Variants in PCDH11X observed in about 807,000 individuals in gnomAD.
The protein encoded by PCDH11X is protocadherin 11 X-linked, also known as protocadherin-11 X-linked.
Under a neutral mutation model 53.3 loss-of-function variants are expected in PCDH11X, and 18 were observed. The ratio of observed to expected loss-of-function variants is 0.34; its 90% confidence interval spans 0.23 to 0.50. The LOEUF is 0.50. PCDH11X is among the 20% of genes least tolerant of loss of function. The pLI, the probability that PCDH11X is intolerant of heterozygous loss-of-function variation, is 0.98. For missense variants in PCDH11X, 570 were observed against 1,032.4 expected, an observed-to-expected ratio of 0.55 and a Z score of 6.14; for synonymous variants, 279 against 393.3, an observed-to-expected ratio of 0.71 and a Z score of 3.44.
At chrX:91,873,302 G>T (rs1045893639) in intron 5 of PCDH11X, among the ~76,000 whole-genome samples, 2 of 109,028 alleles carry the variant, frequency 1.8e-5, no homozygotes, top group South Asian at 4.0e-4. Flanking sequence ...ACATGGAGCT[G>T]TTGAGAACTT....
chrX:92,356,921 T>G (rs1317248769), intron 8 of PCDH11X, among the ~76,000 whole-genome samples: 1 of 111,157 alleles, frequency 9.0e-6, no homozygotes, highest in African/African-American at 3.3e-5. Flanking sequence ...ATAATGAAGA[T>G]TGGCATCATG....
chrX:92,348,728 G>T (rs1179707846), intron 8 of PCDH11X, among the ~76,000 whole-genome samples: 2 of 108,232 alleles, frequency 1.8e-5, no homozygotes, highest in Non-Finnish European at 3.8e-5. Flanking sequence ...TAGAGACAGG[G>T]TTTCACTATA....
intron 5 of PCDH11X, among the ~76,000 whole-genome samples, chrX:91,840,626 T>C (rs1937493175): frequency 9.0e-6 from 1 of 111,473 alleles, no homozygotes; most frequent in African/African-American, 3.3e-5. Context: ...TTGTGAAAAA[T>C]CTCACCTACC....
chrX:92,585,264 A>G (rs1338617309), intron 10 of PCDH11X, among the ~76,000 whole-genome samples: 1 of 111,068 alleles, frequency 9.0e-6, no homozygotes, highest in Non-Finnish European at 1.9e-5. Context: ...CCTGCCTCCA[A>G]CACCGGGGAT....
At chrX:92,543,492 A>T (rs2148740038) in intron 10 of PCDH11X, among the ~76,000 whole-genome samples, 1 of 106,944 alleles carries the variant, frequency 9.4e-6, no homozygotes, top group Admixed American at 1.0e-4. Flanking sequence ...ATCAGAAAGT[A>T]GAAAGAAATA....
intron 6 of PCDH11X, among the ~76,000 whole-genome samples, chrX:92,141,229 T>C (rs1398655242): frequency 8.9e-6 from 1 of 111,786 alleles, no homozygotes; most frequent in Non-Finnish European, 1.9e-5. Flanking sequence ...TCAGTAATAT[T>C]GAATGTTATA....
chrX:92,061,097 T>C (rs943514952), intron 6 of PCDH11X, among the ~76,000 whole-genome samples: 2 of 112,259 alleles, frequency 1.8e-5, no homozygotes, highest in Admixed American at 9.5e-5. Context: ...TGAACATTTT[T>C]TCATATGCTT....
chrX:92,365,623 T>C (rs1315007036), intron 8 of PCDH11X, among the ~76,000 whole-genome samples: 1 of 111,761 alleles, frequency 8.9e-6, no homozygotes, highest in Non-Finnish European at 1.9e-5. Context: ...ATGATATCAT[T>C]AGGTTTTAGC....
At position 92,612,173 on chromosome X, in the gene PCDH11X, A is replaced by T. The variant is rs777926555; in HGVS notation, c.3368-6091A>T. ...AAATAGTTTCAGTAGCATTGGTAAC[A>T]TCTCTTTTTTGTATGTCTGGTACAA... On this transcript the variant is annotated intron_variant, in intron 10 of 10. Coordinates refer to ENST00000682573, the MANE Select transcript of PCDH11X (RefSeq NM_032968.5). 1.5e-4 allele frequency among the ~76,000 whole-genome samples: 17 copies of T among 110,541 alleles called. 1 individual carries two copies. In the South Asian group the frequency reaches 6.5e-3, roughly 42 times the overall value.
At position 92,361,282 on chromosome X, in the gene PCDH11X, A is replaced by G. The variant is rs190433545; in HGVS notation, c.3145-26453A>G. Among the ~76,000 whole-genome samples the G allele has an allele frequency of 3.4e-3, 378 of 110,036 alleles. 4 individuals carry two copies. Among genetic ancestry groups the G allele is most frequent in the Admixed American group, 0.028 (289 of 10,208 alleles). On this transcript the variant is annotated intron_variant, in intron 8 of 10. Coordinates refer to ENST00000682573, the MANE Select transcript of PCDH11X (RefSeq NM_032968.5). ...AGTTATTTCTCTATTTGGTCTTCCTATATCTCTCCACATGATCAGGTCTTT... is the reference window on the plus strand; with the variant it reads ...AGTTATTTCTCTATTTGGTCTTCCTGTATCTCTCCACATGATCAGGTCTTT...
intron 1 of PCDH11X, among the ~76,000 whole-genome samples, chrX:91,787,654 C>G (rs1393211348): frequency 2.7e-5 from 3 of 111,031 alleles, no homozygotes; most frequent in Non-Finnish European, 3.8e-5. Flanking sequence ...CTAGGACATT[C>G]TTTCCTTGTC....
At chrX:91,797,521 T>C (rs1478506730) in intron 1 of PCDH11X, among the ~76,000 whole-genome samples, 1 of 106,827 alleles carries the variant, frequency 9.4e-6, no homozygotes, top group Non-Finnish European at 1.9e-5. Flanking sequence ...TCCTGACTCA[T>C]AATACTGAGA....
intron 8 of PCDH11X, among the ~76,000 whole-genome samples, chrX:92,341,413 C>G (rs947251341): frequency 1.8e-5 from 2 of 111,765 alleles, no homozygotes; most frequent in Non-Finnish European, 3.8e-5. Flanking sequence ...TTAGTCCATT[C>G]TCACATTTGT....
At chrX:91,844,835 G>A (rs1202200516) in intron 5 of PCDH11X, among the ~76,000 whole-genome samples, 2 of 107,340 alleles carry the variant, frequency 1.9e-5, no homozygotes, top group Non-Finnish European at 3.8e-5. Flanking sequence ...AAATATAGCA[G>A]AATAAACAGC....
intron 6 of PCDH11X, among the ~76,000 whole-genome samples, chrX:91,886,645 G>T (rs200941891): frequency 1.9e-5 from 2 of 107,059 alleles, no homozygotes; most frequent in East Asian, 2.9e-4. Flanking sequence ...TGTTTTCTCT[G>T]TTGACCACCC....
chrX:92,192,640 C>A (rs759974076), intron 6 of PCDH11X, among the ~76,000 whole-genome samples: 2 of 111,846 alleles, frequency 1.8e-5, no homozygotes, highest in Middle Eastern at 4.6e-3. Context: ...AGCCACTGCA[C>A]CCGGCCTCCA....
chrX:92,126,160 A>T (rs773183907), intron 6 of PCDH11X, among the ~76,000 whole-genome samples: 2 of 110,937 alleles, frequency 1.8e-5, no homozygotes, highest in South Asian at 7.6e-4. Context: ...AAATAAGATT[A>T]TAAACTGCGT....
intron 8 of PCDH11X, among the ~76,000 whole-genome samples, chrX:92,290,519 C>A (rs908358497): frequency 8.9e-6 from 1 of 112,278 alleles, no homozygotes; most frequent in Non-Finnish European, 1.9e-5. Flanking sequence ...AACATATCAG[C>A]GTGTTGACTT....
intron 6 of PCDH11X, among the ~76,000 whole-genome samples, chrX:91,892,084 C>G (rs1271566041): frequency 9.6e-6 from 1 of 103,761 alleles, no homozygotes; most frequent in Non-Finnish European, 2.0e-5. Context: ...AAACCACCTC[C>G]CAAGTATGTA....
Sources: gnomAD v4.1 joint callset for allele counts (sites outside exome capture counted in the v4.1 genomes callset) on GRCh38, gnomAD v4.1.1 for gene constraint, MANE v1.5 for transcripts, NCBI Gene and HGNC (gene_info 2026-07-23, HGNC 2026-07-21) for gene names.